DCC: variants seen among roughly 807,000 people sequenced by gnomAD.
DCC encodes DCC netrin 1 receptor, also known as netrin receptor DCC.
Under a neutral mutation model 172.5 loss-of-function variants are expected in DCC, and 58 were observed. The observed-to-expected ratio is 0.34, with a 90% CI of 0.27 to 0.42. The LOEUF (loss-of-function observed/expected upper bound fraction) is 0.42. DCC is among the 10% of genes least tolerant of loss of function. The probability of loss-of-function intolerance (pLI) is 1.00; values close to 1 mark genes in which losing one functional copy is unlikely to be tolerated. For synonymous variants in DCC, 709 were observed against 644.5 expected, an observed-to-expected ratio of 1.10 and a Z score of -1.52; for missense variants, 1,740 against 1,791.0, an observed-to-expected ratio of 0.97 and a Z score of 0.51.
intron 2 of DCC, among the ~76,000 whole-genome samples, chr18:52,876,890 C>T (rs1240114500): frequency 1.3e-5 from 2 of 152,120 alleles, no homozygotes; most frequent in Admixed American, 6.5e-5. Flanking sequence ...CATCTCTTGT[C>T]GCAGACCCTC....
At chr18:52,760,111 A>T (rs2037135578) in intron 2 of DCC, among the ~76,000 whole-genome samples, 1 of 152,190 alleles carries the variant, frequency 6.6e-6, no homozygotes, top group African/African-American at 2.4e-5. Flanking sequence ...TAAAGGAAAG[A>T]GGTTTAATTG....
chr18:53,021,385 C>T (rs1230907070), intron 5 of DCC, among the ~76,000 whole-genome samples: 1 of 152,170 alleles, frequency 6.6e-6, no homozygotes, highest in South Asian at 2.1e-4. Flanking sequence ...GAGAGTATCA[C>T]ATGTGTCTGT....
At chr18:52,569,902 G>C (rs1265727761) in intron 1 of DCC, among the ~76,000 whole-genome samples, 4 of 152,068 alleles carry the variant, frequency 2.6e-5, no homozygotes, top group Non-Finnish European at 5.9e-5. Context: ...TTATATATAT[G>C]TATACTCAAA....
At chr18:52,937,852 A>G (rs1401827892) in intron 5 of DCC, among the ~76,000 whole-genome samples, 1 of 151,646 alleles carries the variant, frequency 6.6e-6, no homozygotes, top group African/African-American at 2.4e-5. Context: ...TACTCCTCCA[A>G]CCTACTCCAG....
At position 53,211,678 on chromosome 18, in the gene DCC, C is replaced by T. The variant is rs945362273; in HGVS notation, c.1861+3861C>T. Among the ~76,000 whole-genome samples, 3 of 151,872 alleles carry T rather than the reference C, an allele frequency of 2.0e-5. No homozygotes were observed. In the South Asian group the frequency reaches 6.2e-4, roughly 32 times the overall value. On this transcript the variant is annotated intron_variant, in intron 11 of 28. Transcript: ENST00000442544. ...GGTGGAGCTTGCAGTGAGCCGAGAT[C>T]GTGCCTCTGCACTGCAGCCTGGGTG... is the stretch of plus-strand genomic sequence containing the variant.
chr18:52,768,474 G>A (rs1223778856), intron 2 of DCC, among the ~76,000 whole-genome samples: 2 of 152,148 alleles, frequency 1.3e-5, no homozygotes, highest in Admixed American at 6.5e-5. Flanking sequence ...AGAAAGCAAA[G>A]AGCTCTGCTA....
chr18:52,853,803 G>A (rs879406257), intron 2 of DCC, among the ~76,000 whole-genome samples: 2 of 152,204 alleles, frequency 1.3e-5, no homozygotes, highest in Admixed American at 1.3e-4. Context: ...ATGCAAAAAT[G>A]ATGATTTTTA....
intron 5 of DCC, among the ~76,000 whole-genome samples, chr18:53,017,202 C>T (rs1031378654): frequency 6.6e-6 from 1 of 151,650 alleles, no homozygotes; most frequent in Non-Finnish European, 1.5e-5. Flanking sequence ...CAGCCTCCCG[C>T]GTAGCTGGGA....
chr18:53,063,605 A>G lies in DCC; in HGVS notation c.1140+146A>G, dbSNP rs949733993. On this transcript the variant is annotated intron_variant, in intron 6 of 28. Transcript: ENST00000442544. ...AAAAGTTATTCAAATAAAGCAAATG[A>G]TTTTCTAGACATAAGAATATTTGAA... The G allele has an allele frequency of 6.7e-5, 44 of 653,594 alleles. 1 individual carries two copies. Among genetic ancestry groups the G allele is most frequent in the South Asian group, 6.5e-4 (34 of 52,188 alleles). The allele number at this position is 653,594 out of a possible 1,614,324, so 40.5% of individuals were successfully genotyped here.
chr18:52,783,977 T>A (rs186554880), intron 2 of DCC, among the ~76,000 whole-genome samples: 1 of 152,186 alleles, frequency 6.6e-6, no homozygotes, highest in Admixed American at 6.6e-5. Context: ...TTTAATGTAG[T>A]CTCATGCATT....
intron 14 of DCC, 126 bp downstream of exon 14, chr18:53,322,283 A>G (rs939186585): frequency 8.6e-6 from 6 of 696,122 alleles, no homozygotes; most frequent in Admixed American, 4.1e-5. Flanking sequence ...GTTCACATGC[A>G]AAACACAACA....
At chr18:53,457,168 C>T (rs546056086) in intron 23 of DCC, among the ~76,000 whole-genome samples, 13 of 152,272 alleles carry the variant, frequency 8.5e-5, no homozygotes, top group East Asian at 1.9e-4. Context: ...CAGAAAAATG[C>T]CTGTTCATTT....
At chr18:52,346,197 T>C (rs1380575944) in intron 1 of DCC, among the ~76,000 whole-genome samples, 5 of 152,174 alleles carry the variant, frequency 3.3e-5, no homozygotes, top group Admixed American at 2.0e-4. Flanking sequence ...CAATAAAAAA[T>C]GTGCAAGATA....
At chr18:52,525,360 C>A (rs1272798695) in intron 1 of DCC, among the ~76,000 whole-genome samples, 1 of 152,210 alleles carries the variant, frequency 6.6e-6, no homozygotes, top group Non-Finnish European at 1.5e-5. Context: ...CCACCCTCTG[C>A]ACCACAACTT....
chr18:52,737,622 C>T (rs2036749818), intron 1 of DCC, among the ~76,000 whole-genome samples: 1 of 151,978 alleles, frequency 6.6e-6, no homozygotes, highest in African/African-American at 2.4e-5. Flanking sequence ...GCCTTGGACA[C>T]AGTGGGCATA....
chr18:52,502,009 T>G (rs2031041602), intron 1 of DCC, among the ~76,000 whole-genome samples: 1 of 152,192 alleles, frequency 6.6e-6, no homozygotes, highest in African/African-American at 2.4e-5. Flanking sequence ...ATCCACTGAT[T>G]CTTGGGGTAA....
At chr18:52,898,237 T>C (rs1305816363) in intron 2 of DCC, among the ~76,000 whole-genome samples, 2 of 152,192 alleles carry the variant, frequency 1.3e-5, no homozygotes, top group Middle Eastern at 3.2e-3. Context: ...TTAAATGAAC[T>C]TTAATTACTT....
intron 14 of DCC, among the ~76,000 whole-genome samples, chr18:53,322,547 T>C (rs2057424197): frequency 1.3e-5 from 2 of 152,120 alleles, no homozygotes; most frequent in Admixed American, 1.3e-4. Context: ...CTCTTGCTTT[T>C]TTATGAGGCT....
chr18:53,086,707 C>T (rs1280667327), intron 7 of DCC, among the ~76,000 whole-genome samples: 2 of 129,822 alleles, frequency 1.5e-5, no homozygotes, highest in Admixed American at 1.5e-4. Context: ...CCCACTAACT[C>T]GTCATCTAGC....
Sources: allele counts gnomAD v4.1 joint callset (sites outside exome capture counted in the v4.1 genomes callset), GRCh38; gene constraint gnomAD v4.1.1; transcripts MANE v1.5; gene names NCBI Gene and HGNC (gene_info 2026-07-23, HGNC 2026-07-21).